Variants in CADPS observed in about 807,000 individuals in gnomAD.
CADPS encodes calcium-dependent secretion activator 1.
In CADPS, 57 loss-of-function variants were observed where a neutral mutation model predicts 167.3. The ratio of observed to expected loss-of-function variants is 0.34; its 90% CI spans 0.28 to 0.42. The LOEUF (loss-of-function observed/expected upper bound fraction) is 0.42, where lower values mean the gene tolerates loss of function less well. Ranked by LOEUF, CADPS falls within the 20% of genes least tolerant of loss-of-function variation. The probability of loss-of-function intolerance (pLI) is 1.00; values close to 1 mark genes in which losing one functional copy is unlikely to be tolerated. For missense variants in CADPS, 1,414 were observed against 1,738.1 expected (o/e 0.81, Z 3.32); for synonymous variants, 676 against 635.3 (o/e 1.06, Z -0.96).
chr3:62,679,655 A>C (rs192024357), intron 3 of CADPS, among the ~76,000 whole-genome samples: 2 of 152,098 alleles, frequency 1.3e-5, no homozygotes, highest in East Asian at 3.9e-4. Context: ...AACTAAGTAA[A>C]ATGAACTTTG....
rs1217370846 is a variant in CADPS at position 62,544,785 on chromosome 3, T to C, written c.1966+5118A>G. ...AAGATTTAAGGGGGAGGGAAGCACA[T>C]TGCAGGTGTCAGATAATCTAATCTG... On this transcript the variant is annotated intron_variant, in intron 11 of 29. Coordinates refer to ENST00000383710, the MANE Select transcript of CADPS (RefSeq NM_003716.4). This position sits in a 1 kb window ranked among gnomAD's most constrained non-coding sequence, Gnocchi z 4.4. 1.0e-5 allele frequency: 9 copies of C among 864,700 alleles called. No homozygotes were observed. Among genetic ancestry groups the C allele is most frequent in the Non-Finnish European group, 1.3e-5 (9 of 673,546 alleles). The allele number at this position is 864,700 out of a possible 1,614,324, so 53.6% of individuals were successfully genotyped here.
intron 8 of CADPS, among the ~76,000 whole-genome samples, chr3:62,584,964 A>G (rs1033948487): frequency 2.0e-5 from 3 of 152,238 alleles, no homozygotes; most frequent in African/African-American, 7.2e-5. Flanking sequence ...CGTATTAGAG[A>G]AAGAGAAGGA....
intron 7 of CADPS, 49 bp downstream of exon 7, chr3:62,592,588 C>A (rs1484023095): frequency 1.4e-6 from 2 of 1,418,224 alleles, no homozygotes; most frequent in Middle Eastern, 3.5e-4. Flanking sequence ...GGAGACCTAG[C>A]TGGGGAAATC....
chr3:62,511,824 G>A (rs2067906456), intron 17 of CADPS, among the ~76,000 whole-genome samples: 1 of 152,072 alleles, frequency 6.6e-6, no homozygotes, highest in African/African-American at 2.4e-5. Flanking sequence ...TTTCCCTCTT[G>A]TTTACATAGT....
intron 1 of CADPS, among the ~76,000 whole-genome samples, chr3:62,831,867 T>C (rs2075154324): frequency 6.6e-6 from 1 of 152,176 alleles, no homozygotes; most frequent in South Asian, 2.1e-4. Context: ...CCACGCAATG[T>C]ATTTGAATTC....
intron 8 of CADPS, among the ~76,000 whole-genome samples, chr3:62,571,811 G>A (rs1238493519): frequency 2.0e-5 from 3 of 152,074 alleles, no homozygotes; most frequent in Non-Finnish European, 2.9e-5. Context: ...TGATCCACCC[G>A]CCTTGGCCTC....
intron 6 of CADPS, among the ~76,000 whole-genome samples, chr3:62,596,555 C>T (rs2058973212): frequency 6.6e-6 from 1 of 152,168 alleles, no homozygotes; most frequent in African/African-American, 2.4e-5. Flanking sequence ...GAGTAATTAG[C>T]ATATCCATCA....
rs1288232251 is a variant in CADPS, at chr3:62,768,970, C to A, written c.442-2986G>T. ...CTTTGCTTATGTCTGGGTTTTGCCA[C>A]CTACTGGTTTACAATTCACTACTTT... On this transcript the variant is annotated intron_variant, in intron 1 of 29. Coordinates refer to ENST00000383710, the MANE Select transcript of CADPS (RefSeq NM_003716.4). Among the ~76,000 whole-genome samples, 5 of 152,228 alleles carry A rather than the reference C, an allele frequency of 3.3e-5. No individual in the cohort carries two copies. The East Asian group carries it at 9.7e-4, about 29-fold the overall frequency.
intron 1 of CADPS, among the ~76,000 whole-genome samples, chr3:62,846,815 C>G (rs2153075550): frequency 6.6e-6 from 1 of 152,164 alleles, no homozygotes; most frequent in East Asian, 1.9e-4. Context: ...AGGTGACTGC[C>G]ACCACGCCTC....
At chr3:62,821,607 T>C (rs1415654660) in intron 1 of CADPS, among the ~76,000 whole-genome samples, 1 of 152,142 alleles carries the variant, frequency 6.6e-6, no homozygotes, top group African/African-American at 2.4e-5. Flanking sequence ...TGTGTCTGTG[T>C]CAAAATTTAC....
intron 21 of CADPS, among the ~76,000 whole-genome samples, chr3:62,484,619 G>A (rs549190398): frequency 5.9e-5 from 9 of 152,226 alleles, no homozygotes; most frequent in Admixed American, 3.3e-4. Flanking sequence ...GTGCCCATCC[G>A]TGGATGGTTT....
At chr3:62,797,888 T>A (rs2093535149) in intron 1 of CADPS, among the ~76,000 whole-genome samples, 1 of 152,152 alleles carries the variant, frequency 6.6e-6, no homozygotes. Context: ...CTTTTGAGAC[T>A]GAAAAATGTA....
chr3:62,810,575 G>A (rs2094346951), intron 1 of CADPS, among the ~76,000 whole-genome samples: 1 of 152,136 alleles, frequency 6.6e-6, no homozygotes, highest in Non-Finnish European at 1.5e-5. Flanking sequence ...CTTTTCCAGA[G>A]CATGAATTTC....
chr3:62,650,508 G>A (rs1156904697), intron 5 of CADPS, among the ~76,000 whole-genome samples: 3 of 152,118 alleles, frequency 2.0e-5, no homozygotes, highest in Non-Finnish European at 2.9e-5. Context: ...ACAATATGAT[G>A]CTAGCTTGCC....
Position 62,557,049 on chromosome 3 carries a change from A to T in CADPS, c.1753+356T>A, listed in dbSNP as rs1414365287. On this transcript the variant is annotated intron_variant, in intron 10 of 29. Coordinates refer to ENST00000383710, the MANE Select transcript of CADPS (RefSeq NM_003716.4). Reference sequence around the variant, plus strand: ...CACACACACACACACACACACACACACTCCTTGGTGTACATGTGGGACTAC... The same window carrying T: ...CACACACACACACACACACACACACTCTCCTTGGTGTACATGTGGGACTAC... 8.2e-4 allele frequency among the ~76,000 whole-genome samples: 101 copies of T among 123,196 alleles called. 2 individuals carry two copies. The highest frequency in any genetic ancestry group is 1.3e-3 in the Non-Finnish European group (78 of 57,992). The allele number at this position is 123,196 out of a possible 152,430, so 80.8% of individuals were successfully genotyped here. A position where few individuals can be genotyped will look rare whatever the true frequency, so the allele number is the denominator to read the frequency against.
At chr3:62,855,197 G>T (rs994953761) in intron 1 of CADPS, among the ~76,000 whole-genome samples, 1 of 149,142 alleles carries the variant, frequency 6.7e-6, no homozygotes, top group Non-Finnish European at 1.5e-5. Flanking sequence ...TGCCCACTTC[G>T]GCCTCCCAAA....
intron 11 of CADPS, among the ~76,000 whole-genome samples, chr3:62,539,080 T>C: frequency 6.6e-6 from 1 of 152,248 alleles, no homozygotes; most frequent in African/African-American, 2.4e-5. Flanking sequence ...AACTTCCTTT[T>C]CCCTTCTTCC....
At chr3:62,559,639 C>T (rs1017607271) in intron 9 of CADPS, among the ~76,000 whole-genome samples, 8 of 152,114 alleles carry the variant, frequency 5.3e-5, no homozygotes, top group African/African-American at 1.9e-4. Flanking sequence ...GGATTACAGG[C>T]ATGCGCCACC....
At chr3:62,584,823 G>T (rs2084224482) in intron 8 of CADPS, among the ~76,000 whole-genome samples, 1 of 152,198 alleles carries the variant, frequency 6.6e-6, no homozygotes, top group Non-Finnish European at 1.5e-5. Flanking sequence ...TGCTGATTGA[G>T]GTGCAAGTGA....
Sources: gnomAD v4.1 joint callset for allele counts (sites outside exome capture counted in the v4.1 genomes callset) on GRCh38, gnomAD v4.1.1 for gene constraint, Gnocchi (gnomAD v3.1) non-coding constraint, MANE v1.5 for transcripts, NCBI Gene and HGNC (gene_info 2026-07-23, HGNC 2026-07-21) for gene names.